LMX1A: variants seen among roughly 807,000 people sequenced by gnomAD.
The protein encoded by LMX1A is LIM homeobox transcription factor 1-alpha.
In LMX1A, 15 loss-of-function variants were observed where a neutral mutation model predicts 49.1. That is an observed-to-expected ratio of 0.31 (90% confidence interval 0.20 to 0.47). The LOEUF is 0.47. LMX1A is among the 20% of genes least tolerant of loss of function. The pLI is 1.00. For missense variants in LMX1A, 372 were observed against 475.8 expected, an observed-to-expected ratio of 0.78 and a Z score of 2.03; for synonymous variants, 167 against 185.7, an observed-to-expected ratio of 0.90 and a Z score of 0.82.
At chr1:165,247,048 C>CTTTTTTTTTTTT (rs1204141626) in intron 4 of LMX1A, among the ~76,000 whole-genome samples, 11 of 21,414 alleles carry the variant, frequency 5.1e-4, no homozygotes, top group South Asian at 2.1e-3. Context: ...ATCAGATCAG[C>CTTTTTTTTTTTT]TTTTTCTTTT....
chr1:165,269,118 T>C (rs1319439099), intron 3 of LMX1A, among the ~76,000 whole-genome samples: 1 of 152,140 alleles, frequency 6.6e-6, no homozygotes, highest in Non-Finnish European at 1.5e-5. Flanking sequence ...AACATTTCAG[T>C]CCCTTGGAGG....
intron 3 of LMX1A, among the ~76,000 whole-genome samples, chr1:165,317,936 A>G (rs907374371): frequency 2.0e-5 from 3 of 152,250 alleles, no homozygotes; most frequent in Admixed American, 1.3e-4. Flanking sequence ...TTTTCTCAAC[A>G]AAACTTCAGA....
intron 3 of LMX1A, among the ~76,000 whole-genome samples, chr1:165,294,716 C>T (rs1023080397): frequency 7.9e-5 from 12 of 152,202 alleles, no homozygotes; most frequent in Non-Finnish European, 7.4e-5. Flanking sequence ...GTAATCCCAG[C>T]GCTTCGGGAG....
intron 3 of LMX1A, among the ~76,000 whole-genome samples, chr1:165,320,799 G>A (rs975999705): frequency 6.6e-6 from 1 of 152,206 alleles, no homozygotes; most frequent in Non-Finnish European, 1.5e-5. Flanking sequence ...AGGGAAGCCG[G>A]TAGTTTTAGC....
At chr1:165,254,179 G>A (rs144449869) in intron 3 of LMX1A, among the ~76,000 whole-genome samples, 195 of 152,294 alleles carry the variant, frequency 1.3e-3, no homozygotes, top group Middle Eastern at 6.8e-3. Context: ...ATCTGTGCTT[G>A]TCTAACTTCC....
At chr1:165,309,176 C>T (rs1188917521) in intron 3 of LMX1A, among the ~76,000 whole-genome samples, 1 of 151,920 alleles carries the variant, frequency 6.6e-6, no homozygotes, top group Admixed American at 6.5e-5. Context: ...GCTGAGGGCT[C>T]GCTCCTGGAT....
chr1:165,221,407 A>G (rs902831165), intron 4 of LMX1A, among the ~76,000 whole-genome samples: 1 of 151,768 alleles, frequency 6.6e-6, no homozygotes, highest in Non-Finnish European at 1.5e-5. Context: ...ACTCCCCCCA[A>G]CTATCCTGCC....
chr1:165,303,174 T>A (rs913774864), intron 3 of LMX1A, among the ~76,000 whole-genome samples: 3 of 152,200 alleles, frequency 2.0e-5, no homozygotes, highest in African/African-American at 7.2e-5. Context: ...ACCAGGAATG[T>A]TGAGCTAGTG....
intron 3 of LMX1A, among the ~76,000 whole-genome samples, chr1:165,259,543 G>A (rs572596329): frequency 6.6e-6 from 1 of 152,160 alleles, no homozygotes; most frequent in African/African-American, 2.4e-5. Context: ...GTGTGGACAC[G>A]TATTGAGACA....
chr1:165,281,230 C>A (rs967981066), intron 3 of LMX1A, among the ~76,000 whole-genome samples: 13 of 152,202 alleles, frequency 8.5e-5, no homozygotes, highest in African/African-American at 3.1e-4. Context: ...AAATGCAAGA[C>A]ACTAAGCTTT....
At chr1:165,204,397 A>G (rs1571141816) in intron 8 of LMX1A, among the ~76,000 whole-genome samples, 1 of 152,330 alleles carries the variant, frequency 6.6e-6, no homozygotes, top group East Asian at 1.9e-4. Context: ...GGTAAAACCA[A>G]CAAACAAAAA....
intron 3 of LMX1A, among the ~76,000 whole-genome samples, chr1:165,323,514 T>C (rs1255921792): frequency 2.0e-5 from 3 of 152,228 alleles, no homozygotes; most frequent in Admixed American, 6.5e-5. Flanking sequence ...ATAATGTTTC[T>C]ATACATGTTA....
chr1:165,282,731 C>T (rs1396958872), intron 3 of LMX1A, among the ~76,000 whole-genome samples: 1 of 152,126 alleles, frequency 6.6e-6, no homozygotes, highest in Non-Finnish European at 1.5e-5. Context: ...TCCTCTCTGT[C>T]CTTCACCCCA....
At position 165,353,086 on chromosome 1, in the gene LMX1A, C is replaced by T; in HGVS notation, c.253G>A (p.Asp85Asn). 1 of 1,614,108 alleles carries T rather than the reference C, an allele frequency of 6.2e-7. No homozygotes were observed. ...GGTGCGGCCACTTACTTCTCGTAGT[C>T]ATACTTGCAGTACAGCTTCTTGTCC... ...YRDKKLYCKY[D>N]YEKLFAVKCG... Residue 85 changes from aspartate to asparagine, a missense_variant, in exon 3 of 9, where the codon GAC (aspartate) becomes AAC (asparagine). By Grantham distance (23) the Asp-to-Asn change is conservative. Around this residue, in one of 3 missense-constraint regions of LMX1A, gnomAD observed 199 missense variants for 244.0 expected, o/e 0.82. Transcript: ENST00000342310.
chr1:165,244,983 A>T (rs1220508057), intron 4 of LMX1A, among the ~76,000 whole-genome samples: 1 of 152,158 alleles, frequency 6.6e-6, no homozygotes, highest in Non-Finnish European at 1.5e-5. Context: ...AAAAGGGCAC[A>T]CAGCAGTTGC....
At chr1:165,243,166 C>T (rs1652720035) in intron 4 of LMX1A, among the ~76,000 whole-genome samples, 1 of 152,172 alleles carries the variant, frequency 6.6e-6, no homozygotes, top group South Asian at 2.1e-4. Context: ...ATGGAAACTT[C>T]TGTCCTATTT....
At chr1:165,290,641 A>T (rs921549035) in intron 3 of LMX1A, among the ~76,000 whole-genome samples, 2 of 152,204 alleles carry the variant, frequency 1.3e-5, no homozygotes, top group African/African-American at 2.4e-5. Flanking sequence ...TGGATCAGAC[A>T]TTGTGCTAAA....
intron 4 of LMX1A, among the ~76,000 whole-genome samples, chr1:165,242,238 A>G (rs1051665661): frequency 5.3e-5 from 8 of 152,236 alleles, no homozygotes; most frequent in African/African-American, 1.7e-4. Flanking sequence ...AGACTGCCCA[A>G]TAAACGGAGG....
chr1:165,338,578 A>G (rs1655972332), intron 3 of LMX1A, among the ~76,000 whole-genome samples: 1 of 152,184 alleles, frequency 6.6e-6, no homozygotes, highest in Admixed American at 6.5e-5. Flanking sequence ...AAAATAATAC[A>G]TCATTAAGTG....
Sources: gnomAD v4.1 joint callset for allele counts (sites outside exome capture counted in the v4.1 genomes callset) on GRCh38, gnomAD v4.1.1 for gene constraint, gnomAD v4.1.1 regional missense constraint, MANE v1.5 for transcripts, NCBI Gene and HGNC (gene_info 2026-07-23, HGNC 2026-07-21) for gene names.